Variants in TPRG1 observed in about 807,000 individuals in gnomAD.
TPRG1 encodes tumor protein p63-regulated gene 1 protein.
Under a neutral mutation model 29.3 loss-of-function variants are expected in TPRG1, and 29 were observed. The ratio of observed to expected loss-of-function variants is 0.99; its 90% CI spans 0.74 to 1.35. The LOEUF (loss-of-function observed/expected upper bound fraction) is 1.35, where lower values mean the gene tolerates loss of function less well. TPRG1 is among the 40% of genes most tolerant of loss of function. The probability of loss-of-function intolerance (pLI) is 0.00; values close to 1 mark genes in which losing one functional copy is unlikely to be tolerated. For missense variants in TPRG1, 327 were observed against 335.0 expected, an observed-to-expected ratio of 0.98 and a Z score of 0.19; for synonymous variants, 130 against 116.8, an observed-to-expected ratio of 1.11 and a Z score of -0.73.
At chr3:189,181,843 A>C (rs547170247) in intron 1 of TPRG1, among the ~76,000 whole-genome samples, 1 of 152,320 alleles carries the variant, frequency 6.6e-6, no homozygotes, top group African/African-American at 2.4e-5. Flanking sequence ...ACTGCTGATA[A>C]AGACACACCT....
intron 4 of TPRG1, among the ~76,000 whole-genome samples, chr3:189,248,772 T>G (rs1741728246): frequency 6.6e-6 from 1 of 151,246 alleles, no homozygotes. Context: ...TTTATTACAT[T>G]GTGTTCAGTG....
chr3:189,221,487 A>C (rs1222917941), intron 3 of TPRG1, among the ~76,000 whole-genome samples: 1 of 152,230 alleles, frequency 6.6e-6, no homozygotes, highest in Non-Finnish European at 1.5e-5. Flanking sequence ...CCTGAAGAGC[A>C]TGCTGGATCT....
At chr3:189,124,037 G>A (rs780312277) in intron 1 of TPRG1, among the ~76,000 whole-genome samples, 2 of 152,136 alleles carry the variant, frequency 1.3e-5, no homozygotes, top group Non-Finnish European at 2.9e-5. Context: ...TTCGTTGTAC[G>A]TGTTCTGATT....
upstream of TPRG1, among the ~76,000 whole-genome samples, chr3:189,095,658 A>T (rs943029123): frequency 6.6e-6 from 1 of 152,158 alleles, no homozygotes; most frequent in African/African-American, 2.4e-5. Context: ...TCATGGTCAG[A>T]TGGGTTTCTC....
intron 1 of TPRG1, among the ~76,000 whole-genome samples, chr3:189,177,483 T>G (rs1729643458): frequency 6.6e-6 from 1 of 151,506 alleles, no homozygotes; most frequent in Admixed American, 6.6e-5. Flanking sequence ...TATATGTATA[T>G]ACATATATAT....
intron 4 of TPRG1, among the ~76,000 whole-genome samples, chr3:189,035,441 T>G (rs1714199883): frequency 6.6e-6 from 1 of 152,166 alleles, no homozygotes; most frequent in Non-Finnish European, 1.5e-5. Context: ...AAATGTGACC[T>G]GATTAAACTA....
chr3:189,244,118 C>T (rs774146478), intron 4 of TPRG1, among the ~76,000 whole-genome samples: 10 of 151,942 alleles, frequency 6.6e-5, no homozygotes, highest in African/African-American at 1.7e-4. Flanking sequence ...GAAATATCTG[C>T]GACTGGGTAA....
At chr3:189,066,616 C>A (rs1458558677) in intron 4 of TPRG1, among the ~76,000 whole-genome samples, 6 of 150,262 alleles carry the variant, frequency 4.0e-5, no homozygotes, top group African/African-American at 1.5e-4. Context: ...AATTTAACAT[C>A]CCTTCATGAT....
At chr3:189,241,453 T>A (rs1740578784) in intron 4 of TPRG1, among the ~76,000 whole-genome samples, 1 of 152,154 alleles carries the variant, frequency 6.6e-6, no homozygotes, top group Admixed American at 6.5e-5. Flanking sequence ...GGATGTTTAA[T>A]TTTTTTCTTA....
chr3:189,046,137 G>T (rs769677760), intron 4 of TPRG1, among the ~76,000 whole-genome samples: 1 of 152,144 alleles, frequency 6.6e-6, no homozygotes, highest in Non-Finnish European at 1.5e-5. Context: ...GGAAGTTGGG[G>T]GAAACCAAGG....
Position 189,184,417 on chromosome 3 carries a change from C to A in TPRG1, c.-10+12286C>A, listed in dbSNP as rs1028597039. Among the ~76,000 whole-genome samples, 9 of 152,224 alleles carry A rather than the reference C, an allele frequency of 5.9e-5. No homozygotes were observed. In the South Asian group the frequency reaches 1.9e-3, roughly 32 times the overall value. ...ACGAAACAACACTGATAGCATAACT[C>A]CATTGTTTAAGTAGAAAAATGATAT... On this transcript the variant is annotated intron_variant, in intron 1 of 5. Coordinates refer to ENST00000345063, the MANE Select transcript of TPRG1 (RefSeq NM_198485.4).
chr3:189,206,323 A>G (rs891200988), intron 1 of TPRG1, among the ~76,000 whole-genome samples: 5 of 151,996 alleles, frequency 3.3e-5, no homozygotes, highest in Admixed American at 6.6e-5. Flanking sequence ...TATTTTATTT[A>G]GTCAACTTCT....
intron 4 of TPRG1, among the ~76,000 whole-genome samples, chr3:189,290,546 C>T (rs1032412283): frequency 6.6e-6 from 1 of 152,196 alleles, no homozygotes; most frequent in Non-Finnish European, 1.5e-5. Context: ...CGTTTTCCAT[C>T]GATGAAATCA....
intron 4 of TPRG1, among the ~76,000 whole-genome samples, chr3:189,039,095 T>C (rs1408037734): frequency 1.3e-5 from 2 of 152,204 alleles, no homozygotes; most frequent in African/African-American, 4.8e-5. Context: ...ACCCAGAAAT[T>C]CCCGGAGGGA....
intron 3 of TPRG1, chr3:189,147,578 G>T (rs1027845878): frequency 6.6e-6 from 1 of 152,166 alleles, no homozygotes; most frequent in Non-Finnish European, 1.5e-5. Flanking sequence ...TTTTCCTTTC[G>T]ACTAGGATGT....
At chr3:189,199,446 G>A (rs1259163279) in intron 1 of TPRG1, among the ~76,000 whole-genome samples, 2 of 152,160 alleles carry the variant, frequency 1.3e-5, no homozygotes, top group African/African-American at 4.8e-5. Flanking sequence ...TCAAATAAAA[G>A]CTTCAGAAGA....
Position 189,287,290 on chromosome 3 carries a change from A to C in TPRG1, c.480-23096A>C, listed in dbSNP as rs147142330. On this transcript the variant is annotated intron_variant, in intron 4 of 5. Coordinates refer to ENST00000345063, the MANE Select transcript of TPRG1 (RefSeq NM_198485.4). ...TGTCTCATTGTCCAGACAATGTTGCACGGTCATCTCTAGGCAGAGGAATCA... is the reference window on the plus strand; with the variant it reads ...TGTCTCATTGTCCAGACAATGTTGCCCGGTCATCTCTAGGCAGAGGAATCA... Among the ~76,000 whole-genome samples, 10 of 152,184 alleles carry C rather than the reference A, an allele frequency of 6.6e-5. No homozygotes were observed. The East Asian group carries it at 9.6e-4, about 15-fold the overall frequency.
chr3:189,294,115 A>G (rs1208509371), intron 4 of TPRG1, among the ~76,000 whole-genome samples: 1 of 152,228 alleles, frequency 6.6e-6, no homozygotes, highest in Non-Finnish European at 1.5e-5. Context: ...AGTTGGGTAT[A>G]CAAAACATGT....
intron 4 of TPRG1, among the ~76,000 whole-genome samples, chr3:189,092,352 CTTTA>C (rs1718390452): frequency 6.6e-6 from 1 of 151,870 alleles, no homozygotes. Context: ...GTGGACCACA[CTTTA>C]AGTATCAAGG....
Sources: allele counts gnomAD v4.1 joint callset (sites outside exome capture counted in the v4.1 genomes callset), GRCh38; gene constraint gnomAD v4.1.1; transcripts MANE v1.5; gene names NCBI Gene and HGNC (gene_info 2026-07-23, HGNC 2026-07-21).